Variants in TSPEAR observed in about 807,000 individuals in gnomAD.
TSPEAR encodes thrombospondin type laminin G domain and EAR repeats.
Under a neutral mutation model 71.6 loss-of-function variants are expected in TSPEAR, and 69 were observed. The observed-to-expected ratio is 0.96, with a 90% confidence interval of 0.79 to 1.18. The LOEUF (loss-of-function observed/expected upper bound fraction) is 1.18. Among genes scored for constraint, TSPEAR ranks in the 50% most tolerant of loss-of-function variants. The pLI is 0.00. For missense variants in TSPEAR, 971 were observed against 894.9 expected (o/e 1.09, Z -1.09); for synonymous variants, 402 against 387.2 (o/e 1.04, Z -0.45).
intron 1 of TSPEAR, chr21:44,681,570 G>A (rs756990222): frequency 1.5e-5 from 7 of 469,462 alleles, no homozygotes; most frequent in South Asian, 5.4e-5. Context: ...GACAAGAAAC[G>A]CAGAGTTGCA....
chr21:44,513,846 TGGG>T (rs587661201), intron 9 of TSPEAR, among the ~76,000 whole-genome samples: 1 of 151,960 alleles, frequency 6.6e-6, no homozygotes, highest in Admixed American at 6.5e-5. Context: ...AAGCCCTGGT[TGGG>T]GGGGCAGTGG....
intron 1 of TSPEAR, among the ~76,000 whole-genome samples, chr21:44,596,345 G>A (rs1750793932): frequency 6.6e-6 from 1 of 152,184 alleles, no homozygotes; most frequent in South Asian, 2.1e-4. Context: ...GTGGCTCCTT[G>A]TGTCTATACA....
At chr21:44,590,607 TGGA>T in intron 1 of TSPEAR, among the ~76,000 whole-genome samples, 1 of 152,128 alleles carries the variant, frequency 6.6e-6, no homozygotes, top group East Asian at 1.9e-4. Flanking sequence ...TGTCTTACTG[TGGA>T]GGAGATGAGG....
chr21:44,665,354 G>A (rs2146272247), intron 1 of TSPEAR, among the ~76,000 whole-genome samples: 1 of 152,216 alleles, frequency 6.6e-6, no homozygotes, highest in East Asian at 1.9e-4. Flanking sequence ...GGGGCAAGAG[G>A]GCTGGCCCAT....
At chr21:44,515,272 T>C (rs2052528939) in intron 9 of TSPEAR, among the ~76,000 whole-genome samples, 2 of 152,376 alleles carry the variant, frequency 1.3e-5, no homozygotes, top group African/African-American at 4.8e-5. Context: ...TTTTGAAAGA[T>C]GAGGCTCAGG....
At chr21:44,587,762 CAT>C (rs1979434301) in intron 1 of TSPEAR, among the ~76,000 whole-genome samples, 1 of 152,094 alleles carries the variant, frequency 6.6e-6, no homozygotes, top group East Asian at 1.9e-4. Context: ...CAAACAAAAA[CAT>C]AAAGTGGGGA....
intron 1 of TSPEAR, among the ~76,000 whole-genome samples, chr21:44,705,414 T>G (rs976619232): frequency 6.6e-6 from 1 of 152,240 alleles, no homozygotes; most frequent in Non-Finnish European, 1.5e-5. Flanking sequence ...ATAAGAGAGA[T>G]AACCTTAAAC....
chr21:44,613,648 C>T (rs374650056), intron 1 of TSPEAR, among the ~76,000 whole-genome samples: 10 of 151,906 alleles, frequency 6.6e-5, no homozygotes, highest in African/African-American at 1.2e-4. Context: ...GCTGCACCTG[C>T]GCAGGAGACA....
intron 1 of TSPEAR, among the ~76,000 whole-genome samples, chr21:44,582,642 G>A (rs1303193511): frequency 6.6e-6 from 1 of 152,146 alleles, no homozygotes; most frequent in Non-Finnish European, 1.5e-5. Context: ...CACAGTCATT[G>A]CTGTGCCCAC....
At chr21:44,530,011 G>T (rs587598165) in intron 4 of TSPEAR, 57 bp from the exon 5 acceptor site, 2 of 1,474,266 alleles carry the variant, frequency 1.4e-6, no homozygotes, top group Non-Finnish European at 8.9e-7. Context: ...GACCCGCTGA[G>T]GAGGCGACCA....
chr21:44,703,807 A>G (rs1428342089), intron 1 of TSPEAR, among the ~76,000 whole-genome samples: 1 of 152,006 alleles, frequency 6.6e-6, no homozygotes, highest in Non-Finnish European at 1.5e-5. Flanking sequence ...AGGATCCCCA[A>G]GGGTCCCACA....
At chr21:44,668,589 A>G (rs1178796430) in intron 1 of TSPEAR, among the ~76,000 whole-genome samples, 2 of 152,228 alleles carry the variant, frequency 1.3e-5, no homozygotes, top group African/African-American at 4.8e-5. Flanking sequence ...AGCCAAATCA[A>G]TCTTAAGAAA....
intron 1 of TSPEAR, chr21:44,657,804 A>C: frequency 3.1e-6 from 2 of 636,588 alleles, no homozygotes; most frequent in Non-Finnish European, 5.5e-6. Context: ...ATGACGCGGG[A>C]AAGTACACGC....
intron 1 of TSPEAR, among the ~76,000 whole-genome samples, chr21:44,585,919 C>T (rs1555925613): frequency 1.3e-5 from 2 of 152,226 alleles, no homozygotes; most frequent in African/African-American, 4.8e-5. Context: ...CTGAAAGGTT[C>T]TCTGCATGTA....
chr21:44,595,611 C>G (rs587611509), intron 1 of TSPEAR, among the ~76,000 whole-genome samples: 2 of 152,308 alleles, frequency 1.3e-5, no homozygotes, highest in South Asian at 4.2e-4. Flanking sequence ...CAGCACTGCA[C>G]TGGGGCACTT....
At chr21:44,701,398 A>T (rs1555951507) in intron 1 of TSPEAR, among the ~76,000 whole-genome samples, 1 of 152,110 alleles carries the variant, frequency 6.6e-6, no homozygotes, top group Non-Finnish European at 1.5e-5. Flanking sequence ...CAACTTTTCC[A>T]CGGACTGGGG....
rs1339607697 is a variant in TSPEAR, at chr21:44,550,942, A to C, written c.303+16843T>G. ...GACTGCTGACACGGGGAGGAGGTGC[A>C]GCAAGCCGGCTGGCAGCTAGACTGC... On this transcript the variant is annotated intron_variant, in intron 2 of 11. Transcript: ENST00000323084. 1.5e-5 allele frequency: 22 copies of C among 1,485,270 alleles called. No homozygotes were observed. The highest frequency in any genetic ancestry group is 2.0e-5 in the Non-Finnish European group (22 of 1,098,204). 92.0% of individuals were successfully genotyped at this position (1,485,270 alleles called of 1,614,324 possible).
chr21:44,557,927 G>A, intron 2 of TSPEAR: 1 of 1,161,084 alleles, frequency 8.6e-7, no homozygotes, highest in Non-Finnish European at 1.2e-6. Context: ...TGAAAGCTCA[G>A]CATTGCTGGC....
chr21:44,631,329 C>A (rs1349179406), intron 1 of TSPEAR, among the ~76,000 whole-genome samples: 1 of 152,084 alleles, frequency 6.6e-6, no homozygotes, highest in Non-Finnish European at 1.5e-5. Flanking sequence ...GAAAATTTCA[C>A]TAGAGAAGTC....
Sources: gnomAD v4.1 joint callset for allele counts (sites outside exome capture counted in the v4.1 genomes callset) on GRCh38, gnomAD v4.1.1 for gene constraint, MANE v1.5 for transcripts, NCBI Gene and HGNC (gene_info 2026-07-23, HGNC 2026-07-21) for gene names.